NUP210: variants seen among roughly 807,000 people sequenced by gnomAD.
The protein encoded by NUP210 is nuclear pore membrane glycoprotein 210.
Under a neutral mutation model 196.0 loss-of-function variants are expected in NUP210, and 151 were observed. The ratio of observed to expected loss-of-function variants is 0.77; its 90% confidence interval spans 0.67 to 0.88. NUP210 has a LOEUF of 0.88. Ranked by LOEUF, NUP210 falls within the 40% of genes least tolerant of loss-of-function variation. The pLI, the probability that NUP210 is intolerant of heterozygous loss-of-function variation, is 0.00. For synonymous variants in NUP210, 1,070 were observed against 1,052.7 expected, an observed-to-expected ratio of 1.02 and a Z score of -0.32; for missense variants, 2,314 against 2,493.7, an observed-to-expected ratio of 0.93 and a Z score of 1.53.
At chr3:13,412,305 C>T (rs192444184) in intron 1 of NUP210, among the ~76,000 whole-genome samples, 11 of 144,476 alleles carry the variant, frequency 7.6e-5, no homozygotes, top group African/African-American at 3.0e-4. Context: ...TGAGCTTAAG[C>T]GATCCTCCTG....
chr3:13,379,036 C>T lies in NUP210; in HGVS notation c.977-56G>A. On this transcript the variant is annotated intron_variant, in intron 7 of 39. Transcript: ENST00000254508. This position sits in a 1 kb window ranked among gnomAD's most constrained non-coding sequence, Gnocchi z 4.2. The stretch of plus-strand genomic sequence containing the variant: ...GACAGCAAATAAACCAGCTGGCTGG[C>T]CAGTTTCAGCTTGGCTCAGAATCCT... The T allele has an allele frequency of 6.9e-7, 1 of 1,440,532 alleles. No individual in the cohort carries two copies. Among genetic ancestry groups the T allele is most frequent in the South Asian group, 1.1e-5 (1 of 87,578 alleles). 89.2% of individuals were successfully genotyped at this position (1,440,532 alleles called of 1,614,324 possible).
intron 20 of NUP210, among the ~76,000 whole-genome samples, 159 bp from the exon 21 acceptor site, chr3:13,343,462 G>A (rs968071696): frequency 3.9e-5 from 6 of 152,228 alleles, no homozygotes. Flanking sequence ...CTGGGAAGCA[G>A]TGGACAAGGG....
At chr3:13,360,249 C>A in intron 15 of NUP210, 21 bp downstream of exon 15, 4 of 1,598,968 alleles carry the variant, frequency 2.5e-6, no homozygotes, top group Non-Finnish European at 3.4e-6. Flanking sequence ...CAAGGAGGGT[C>A]TGGAGCAGCT....
rs199816368 is a variant in NUP210 at position 13,365,961 on chromosome 3, G to A, written c.1917C>T (p.Ala639=). ...VHLSAKITIA[A]YLPLKAVDPS... ...CCTGGCTCACCTTGAGGGGCAGGTA[G>A]GCAGCAATGGTGATCTTGGCACTCA... Residue 639 remains alanine, a synonymous_variant, in exon 14 of 40, where the codon GCC becomes GCT. Coordinates refer to ENST00000254508, the MANE Select transcript of NUP210 (RefSeq NM_024923.4). 1.5e-5 allele frequency: 25 copies of A among 1,614,128 alleles called. No individual in the cohort carries two copies. The East Asian group carries it at 5.6e-4, about 36-fold the overall frequency.
chr3:13,370,136 T>G (rs1424170870), intron 13 of NUP210, among the ~76,000 whole-genome samples: 1 of 152,142 alleles, frequency 6.6e-6, no homozygotes, highest in Non-Finnish European at 1.5e-5. Context: ...AGCATCTCTG[T>G]CCTGACAGAG....
At chr3:13,391,396 G>T in intron 3 of NUP210, 89 bp from the exon 4 acceptor site, 1 of 798,622 alleles carries the variant, frequency 1.3e-6, no homozygotes, top group Non-Finnish European at 2.1e-6. Context: ...CCCCATGCAG[G>T]AACCACACTC....
At position 13,388,426 on chromosome 3, in the gene NUP210, G is replaced by A; in HGVS notation, c.561C>T (p.Tyr187=). ...LRILTFLEST[Y]IPPSYISEME... is the part of the protein sequence containing the mutation. ...TCTCTGAGATGTAAGAAGGAGGGAT[G>A]TACGTAGACTCCAAGAAAGTGAGGA... Residue 187 remains tyrosine (Y), a synonymous_variant, in exon 5 of 40, where the codon TAC becomes TAT. Coordinates refer to ENST00000254508, the MANE Select transcript of NUP210 (RefSeq NM_024923.4). 1.2e-6 allele frequency: 2 copies of A among 1,610,990 alleles called. No individual in the cohort carries two copies. The highest frequency in any genetic ancestry group is 1.7e-6 in the Non-Finnish European group (2 of 1,178,810).
chr3:13,367,639 A>G (rs976145343), intron 13 of NUP210, among the ~76,000 whole-genome samples: 1 of 152,142 alleles, frequency 6.6e-6, no homozygotes, highest in African/African-American at 2.4e-5. Flanking sequence ...CAACTGAATC[A>G]TGCTTGGTAT....
At chr3:13,383,050 G>A (rs549514428) in intron 6 of NUP210, among the ~76,000 whole-genome samples, 7 of 152,168 alleles carry the variant, frequency 4.6e-5, no homozygotes, top group African/African-American at 1.7e-4. Flanking sequence ...GGTGTGAGGT[G>A]AGAGGATCAC....
Position 13,395,533 on chromosome 3 carries a change from G to A in NUP210, c.436+1824C>T, listed in dbSNP as rs530077732. Among the ~76,000 whole-genome samples, 19 of 152,298 alleles carry A rather than the reference G, an allele frequency of 1.2e-4. No individual in the cohort carries two copies. In the East Asian group the frequency reaches 3.7e-3, roughly 29 times the overall value. On this transcript the variant is annotated intron_variant, in intron 3 of 39. Transcript: ENST00000254508. ...GGGTTTCACCATGTTGGCCAAGCTG[G>A]TCTCGAATTCCTGACCTCGAGTGAT... is the stretch of plus-strand genomic sequence containing the variant.
In NUP210 at chr3:13,321,634, C is replaced by CT; in HGVS notation, c.5116dup (p.Ser1706LysfsTer235). 1 of 1,614,146 alleles carries CT rather than the reference C, an allele frequency of 6.2e-7. No homozygotes were observed. Among genetic ancestry groups the CT allele is most frequent in the Non-Finnish European group, 8.5e-7 (1 of 1,180,026 alleles). ...GGCACCAAAGACCCTGATCTCGGAA[C>CT]TGGTGTAGTGGTTGCTCAAAAGGAT... On this transcript the variant is annotated frameshift_variant, in exon 36 of 40. Coordinates refer to ENST00000254508, the MANE Select transcript of NUP210 (RefSeq NM_024923.4). LOFTEE classifies it high-confidence loss of function.
chr3:13,337,867 G>A lies in NUP210; in HGVS notation c.3522C>T (p.Ala1174=), dbSNP rs1316671185. ...VLLLRAVRIR[A]PIMRMRTGTQ... ...TGCCCGTCCTCATCCGCATGATGGG[G>A]GCGCGGATCCTCACGGCCCTTAGCA... The change falls in exon 26 of 40, where the codon GCC becomes GCT. Residue 1174 remains alanine, a synonymous_variant. Coordinates refer to ENST00000254508, the MANE Select transcript of NUP210 (RefSeq NM_024923.4). The A allele has an allele frequency of 2.5e-6, 4 of 1,612,602 alleles. No homozygotes were observed. The highest frequency in any genetic ancestry group is 3.4e-6 in the Non-Finnish European group (4 of 1,179,846).
At chr3:13,339,034 G>T (rs1697347428) in intron 25 of NUP210, among the ~76,000 whole-genome samples, 1 of 152,104 alleles carries the variant, frequency 6.6e-6, no homozygotes, top group Non-Finnish European at 1.5e-5. Context: ...GGAATGTCAC[G>T]CTCCAGGAAG....
chr3:13,322,241 G>C lies in NUP210; in HGVS notation c.4867C>G (p.Pro1623Ala), dbSNP rs944600055. The change falls in exon 35 of 40, where the codon CCA (proline) becomes GCA (alanine). Residue 1623 changes from proline to alanine, a missense_variant. Physicochemically the swap from Pro to Ala is conservative, Grantham distance 27. Transcript: ENST00000254508. ...TCCACGGTGAACACATCTTGAGATG[G>C]GAAATCAAAGACGGCCGGCTTGAAC... ...SQFKPAVFDF[P>A]SQDVFTVEPQ... The C allele has an allele frequency of 3.1e-6, 5 of 1,614,234 alleles. No individual in the cohort carries two copies. The highest frequency in any genetic ancestry group is 1.6e-4 in the Middle Eastern group (1 of 6,062).
At chr3:13,353,337 C>T (rs1272448912) in intron 18 of NUP210, among the ~76,000 whole-genome samples, 1 of 152,114 alleles carries the variant, frequency 6.6e-6, no homozygotes, top group African/African-American at 2.4e-5. Context: ...AAGGGCTATT[C>T]TTGAGAAGCC....
rs149262470 is a variant in NUP210 at position 13,379,080 on chromosome 3, T to C, written c.977-100A>G. ...GAATCCTGATCATCAAGACATCACA[T>C]GGAGAGAAGAAGAGGGGATGAAAAC... is the stretch of plus-strand genomic sequence containing the variant. On this transcript the variant is annotated intron_variant, in intron 7 of 39. Coordinates refer to ENST00000254508, the MANE Select transcript of NUP210 (RefSeq NM_024923.4). This position sits in a 1 kb window ranked among gnomAD's most constrained non-coding sequence, Gnocchi z 4.2. 2.6e-4 allele frequency: 263 copies of C among 1,006,656 alleles called. No homozygotes were observed. In the East Asian group the frequency reaches 6.2e-3, roughly 24 times the overall value. 62.4% of individuals were successfully genotyped at this position (1,006,656 alleles called of 1,614,324 possible). A position where few individuals can be genotyped will look rare whatever the true frequency, so the allele number is the denominator to read the frequency against.
intron 27 of NUP210, among the ~76,000 whole-genome samples, chr3:13,336,442 A>G (rs1372336363): frequency 6.6e-6 from 1 of 152,104 alleles, no homozygotes; most frequent in Admixed American, 6.5e-5. Flanking sequence ...GGGCTAAGGG[A>G]AGGGGAATTT....
intron 1 of NUP210, among the ~76,000 whole-genome samples, chr3:13,418,535 G>A (rs916518571): frequency 1.0e-5 from 1 of 96,444 alleles, no homozygotes; most frequent in Non-Finnish European, 1.9e-5. Flanking sequence ...AGTTCTCCTT[G>A]GTCTTGAGGA....
chr3:13,322,418 G>C (rs1424749806), intron 34 of NUP210, 79 bp from the exon 35 acceptor site: 3 of 1,526,634 alleles, frequency 2.0e-6, no homozygotes, highest in Non-Finnish European at 2.7e-6. Context: ...TGCACAGGCT[G>C]GCTGGGCTGC....
Sources: allele counts gnomAD v4.1 joint callset (sites outside exome capture counted in the v4.1 genomes callset), GRCh38; gene constraint gnomAD v4.1.1; non-coding constraint Gnocchi (gnomAD v3.1); transcripts MANE v1.5; gene names NCBI Gene and HGNC (gene_info 2026-07-23, HGNC 2026-07-21).